Variants in ZFP64 observed in about 807,000 individuals in gnomAD.
The protein encoded by ZFP64 is ZFP64 zinc finger protein, also known as zinc finger protein 64.
In ZFP64, 14 loss-of-function variants were observed where a neutral mutation model predicts 51.6. That is an observed-to-expected ratio of 0.27 (90% CI 0.18 to 0.42). The LOEUF (loss-of-function observed/expected upper bound fraction) is 0.42. Ranked by LOEUF, ZFP64 falls within the 10% of genes least tolerant of loss-of-function variation. The pLI is 1.00. For synonymous variants in ZFP64, 375 were observed against 361.4 expected (o/e 1.04, Z -0.43); for missense variants, 754 against 906.8 (o/e 0.83, Z 2.16).
chr20:52,143,239 G>A (rs1214263056), intron 5 of ZFP64, among the ~76,000 whole-genome samples: 1 of 142,298 alleles, frequency 7.0e-6, no homozygotes, highest in African/African-American at 2.5e-5. Context: ...CAATATCTCC[G>A]AAACATGCCT....
In ZFP64 at chr20:52,183,363, C is replaced by A. The variant is rs1983744913; in HGVS notation, c.286+3469G>T. On this transcript the variant is annotated intron_variant, in intron 2 of 5. Transcript: ENST00000216923. ...GGAAGCCTCCCACACGCAGGGCATC[C>A]ATTTTTATATGGCTCCCATCCACTG... Among the ~76,000 whole-genome samples, 4 of 152,284 alleles carry A rather than the reference C, an allele frequency of 2.6e-5. No homozygotes were observed. In the Middle Eastern group the frequency reaches 0.014, roughly 518 times the overall value.
At chr20:52,095,227 A>G (rs1311959328) in intron 7 of ZFP64, among the ~76,000 whole-genome samples, 1 of 152,172 alleles carries the variant, frequency 6.6e-6, no homozygotes, top group African/African-American at 2.4e-5. Flanking sequence ...TCCTTTTCCC[A>G]GCCTTCATTT....
At chr20:52,119,461 T>C (rs966324416) in intron 5 of ZFP64, among the ~76,000 whole-genome samples, 1 of 148,020 alleles carries the variant, frequency 6.8e-6, no homozygotes, top group African/African-American at 2.5e-5. Flanking sequence ...GAGGCGGAGG[T>C]TGCAGTCAGC....
intron 4 of ZFP64, among the ~76,000 whole-genome samples, chr20:52,162,488 G>A (rs1011856740): frequency 2.6e-5 from 4 of 151,390 alleles, no homozygotes; most frequent in Admixed American, 6.6e-5. Context: ...CTAGCCGGGC[G>A]TGGTGGCAGG....
At chr20:52,113,375 A>G (rs759432329) in intron 5 of ZFP64, among the ~76,000 whole-genome samples, 43 of 151,608 alleles carry the variant, frequency 2.8e-4, no homozygotes, top group Non-Finnish European at 4.0e-4. Flanking sequence ...CTAGACAGGA[A>G]CAAATCTTAT....
chr20:52,152,491 C>G lies in ZFP64; in HGVS notation c.1701G>C (p.Pro567=), dbSNP rs896174403. ...CPSEAGAMTQ[P]AVLLTTHEQT... The stretch of plus-strand genomic sequence containing the variant: ...GCTCGTGGGTGGTCAGCAGGACAGC[C>G]GGCTGGGTCATTGCGCCCGCCTCGC... The change falls in exon 6 of 6, where the codon CCG becomes CCC. Residue 567 remains proline, a synonymous_variant. Transcript: ENST00000216923. The G allele has an allele frequency of 3.7e-6, 6 of 1,610,562 alleles. No homozygotes were observed. The South Asian group carries it at 6.6e-5, about 18-fold the overall frequency.
At chr20:52,098,076 G>A (rs564557868) in intron 6 of ZFP64, among the ~76,000 whole-genome samples, 5 of 151,510 alleles carry the variant, frequency 3.3e-5, no homozygotes, top group South Asian at 4.2e-4. Context: ...GGGATGCTGA[G>A]GCAGGAGAAT....
Position 52,191,573 on chromosome 20 carries a change from T to C in ZFP64, c.46+18A>G. On this transcript the variant is annotated intron_variant, in intron 1 of 5. Coordinates refer to ENST00000216923, the MANE Select transcript of ZFP64 (RefSeq NM_018197.3). The surrounding 1 kb of genome is among the most constrained non-coding windows in gnomAD (Gnocchi z 4.3). ...CACTGGGCCCCGGAGCGCGCACTGC[T>C]CCCGGAAAAGCACTTACTTTGCACC... The C allele has an allele frequency of 3.8e-6, 6 of 1,571,652 alleles. No individual in the cohort carries two copies. Among genetic ancestry groups the C allele is most frequent in the African/African-American group, 1.4e-5 (1 of 71,820 alleles).
chr20:52,111,253 G>A (rs1375852501), intron 5 of ZFP64, among the ~76,000 whole-genome samples: 2 of 131,900 alleles, frequency 1.5e-5, no homozygotes, highest in African/African-American at 5.9e-5. Context: ...AGTTTTGCTC[G>A]TTGCCCAGGC....
chr20:52,161,450 C>T (rs199784552), intron 4 of ZFP64, among the ~76,000 whole-genome samples: 4,698 of 115,158 alleles, frequency 0.041, 223 homozygotes, highest in Admixed American at 0.096. Context: ...TGATTGCTTT[C>T]TTTTTTTTTT....
At chr20:52,154,816 A>G (rs2122968174) in intron 5 of ZFP64, among the ~76,000 whole-genome samples, 1 of 152,322 alleles carries the variant, frequency 6.6e-6, no homozygotes, top group African/African-American at 2.4e-5. Flanking sequence ...ATTTGTTTAC[A>G]TATGGTTACT....
intron 2 of ZFP64, among the ~76,000 whole-genome samples, chr20:52,186,589 T>A (rs1983980693): frequency 1.3e-5 from 2 of 151,910 alleles, no homozygotes; most frequent in South Asian, 4.2e-4. Context: ...GTTTCAGAAA[T>A]CTCTTTTTTG....
chr20:52,167,452 TGGGACTTAGGCATGTTTC>T (rs1363299502), intron 2 of ZFP64, among the ~76,000 whole-genome samples: 78 of 85,162 alleles, frequency 9.2e-4, no homozygotes, highest in South Asian at 1.7e-3. Context: ...ATTTATAGTC[TGGGACTTAGGCATGTTTC>T]CTCCCTCCCT....
At position 52,161,446 on chromosome 20, in the gene ZFP64, C is replaced by CT. The variant is rs1236301796; in HGVS notation, c.512-1073dup. ...AGAACCCAGGACCGTCTTGTGATTG[C>CT]TTTCTTTTTTTTTTTTTTTTTTTTT... On this transcript the variant is annotated intron_variant, in intron 4 of 5. Transcript: ENST00000216923. Among the ~76,000 whole-genome samples, 610 of 127,662 alleles carry CT rather than the reference C, an allele frequency of 4.8e-3. 5 individuals carry two copies. Among genetic ancestry groups the CT allele is most frequent in the South Asian group, 0.013 (54 of 4,110 alleles). The allele number at this position is 127,662 out of a possible 152,430, so 83.8% of individuals were successfully genotyped here.
At position 52,191,385 on chromosome 20, in the gene ZFP64, C is replaced by A. The variant is rs1466544415; in HGVS notation, c.46+206G>T. Reference sequence around the variant, plus strand: ...AGGCTGGAGAGCGCCCCCGGTCTTGCGCCAGGTCGGGTGCGCCCCCACCCC... The same window carrying A: ...AGGCTGGAGAGCGCCCCCGGTCTTGAGCCAGGTCGGGTGCGCCCCCACCCC... On this transcript the variant is annotated intron_variant, in intron 1 of 5. Coordinates refer to ENST00000216923, the MANE Select transcript of ZFP64 (RefSeq NM_018197.3). This position sits in a 1 kb window ranked among gnomAD's most constrained non-coding sequence, Gnocchi z 4.3. Among the ~76,000 whole-genome samples, 1 of 152,112 alleles carries A rather than the reference C, an allele frequency of 6.6e-6. No homozygotes were observed. The highest frequency in any genetic ancestry group is 1.5e-5 in the Non-Finnish European group (1 of 68,006).
intron 7 of ZFP64, among the ~76,000 whole-genome samples, chr20:52,095,762 AC>A (rs1176789744): frequency 1.3e-5 from 2 of 152,174 alleles, no homozygotes; most frequent in African/African-American, 4.8e-5. Flanking sequence ...TTGGGGTCGA[AC>A]CCAGCACTGT....
Position 52,085,876 on chromosome 20 carries a change from A to G in ZFP64, c.1229-610T>C, listed in dbSNP as rs1261542155. Among the ~76,000 whole-genome samples, 1 of 152,202 alleles carries G rather than the reference A, an allele frequency of 6.6e-6. No homozygotes were observed. Among genetic ancestry groups the G allele is most frequent in the Non-Finnish European group, 1.5e-5 (1 of 68,026 alleles). On this transcript the variant is annotated intron_variant, in intron 8 of 8. Coordinates refer to the ZFP64 transcript ENST00000361387. This position sits in a 1 kb window ranked among gnomAD's most constrained non-coding sequence, Gnocchi z 4.3. ...AGTCCCATTCCCTGGAGACATTGCT[A>G]AGGGTTTCTAGTTGTTTTTGAGGTT... is the stretch of plus-strand genomic sequence containing the variant.
At chr20:52,165,816 G>A (rs773317266) in intron 3 of ZFP64, 48 bp downstream of exon 3, 12 of 1,612,002 alleles carry the variant, frequency 7.4e-6, no homozygotes, top group Non-Finnish European at 8.5e-6. Flanking sequence ...CTGGAGCCTG[G>A]TTAAATATCA....
At chr20:52,189,611 G>A (rs974616769) in intron 1 of ZFP64, among the ~76,000 whole-genome samples, 3 of 151,636 alleles carry the variant, frequency 2.0e-5, no homozygotes, top group Non-Finnish European at 4.4e-5. Context: ...GAGTATCTGG[G>A]ATTACAAGCG....
Sources: allele counts gnomAD v4.1 joint callset (sites outside exome capture counted in the v4.1 genomes callset), GRCh38; gene constraint gnomAD v4.1.1; non-coding constraint Gnocchi (gnomAD v3.1); transcripts MANE v1.5; gene names NCBI Gene and HGNC (gene_info 2026-07-23, HGNC 2026-07-21).